DENND1A: variants seen among roughly 807,000 people sequenced by gnomAD.
The protein encoded by DENND1A is DENN domain-containing protein 1A.
A neutral mutation model predicts 113.7 loss-of-function variants in DENND1A; 51 were observed. The observed-to-expected ratio is 0.45, with a 90% CI of 0.36 to 0.57. DENND1A has a LOEUF of 0.57. DENND1A is among the 20% of genes least tolerant of loss of function. DENND1A has a pLI of 0.00. For missense variants in DENND1A, 1,258 were observed against 1,395.9 expected, an observed-to-expected ratio of 0.90 and a Z score of 1.57; for synonymous variants, 565 against 570.8, an observed-to-expected ratio of 0.99 and a Z score of 0.14.
intron 13 of DENND1A, among the ~76,000 whole-genome samples, chr9:123,498,065 T>G (rs2052107066): frequency 6.6e-6 from 1 of 152,144 alleles, no homozygotes; most frequent in Non-Finnish European, 1.5e-5. Flanking sequence ...ACACTTGTAA[T>G]AGAAGAATTT....
intron 9 of DENND1A, among the ~76,000 whole-genome samples, chr9:123,649,297 A>G (rs1297632992): frequency 6.6e-6 from 1 of 152,176 alleles, no homozygotes; most frequent in Admixed American, 6.5e-5. Context: ...TCAATATGTA[A>G]GTTATATTAA....
chr9:123,690,396 T>A (rs939499011), intron 5 of DENND1A, among the ~76,000 whole-genome samples: 15 of 152,166 alleles, frequency 9.9e-5, no homozygotes, highest in Non-Finnish European at 1.5e-4. Flanking sequence ...TATTCATAAT[T>A]GAAAATACTT....
chr9:123,794,283 A>G (rs1564283835), intron 2 of DENND1A, among the ~76,000 whole-genome samples: 1 of 152,208 alleles, frequency 6.6e-6, no homozygotes, highest in Admixed American at 6.5e-5. Context: ...GGGGGTGAAC[A>G]ACGGGGAACA....
intron 9 of DENND1A, among the ~76,000 whole-genome samples, chr9:123,638,656 T>G (rs1269196156): frequency 6.6e-6 from 1 of 151,912 alleles, no homozygotes; most frequent in Non-Finnish European, 1.5e-5. Context: ...GAGACGGAGT[T>G]TCACCATGTT....
At chr9:123,501,993 A>ATC (rs1338412757) in intron 13 of DENND1A, among the ~76,000 whole-genome samples, 6 of 152,058 alleles carry the variant, frequency 3.9e-5, no homozygotes, top group African/African-American at 9.7e-5. Flanking sequence ...ATATATATAT[A>ATC]TCTCTCCTAT....
chr9:123,487,603 C>G (rs552288820), intron 13 of DENND1A, among the ~76,000 whole-genome samples: 6 of 152,202 alleles, frequency 3.9e-5, no homozygotes, highest in African/African-American at 1.4e-4. Flanking sequence ...TTATAAAGAC[C>G]CCTGTTTCTC....
chr9:123,627,760 AG>A, intron 10 of DENND1A, among the ~76,000 whole-genome samples: 2 of 143,882 alleles, frequency 1.4e-5, no homozygotes, highest in African/African-American at 5.2e-5. Flanking sequence ...AAAAAAAAAG[AG>A]AGAGAGAGCG....
chr9:123,797,634 T>C (rs1389453308), intron 2 of DENND1A, among the ~76,000 whole-genome samples: 2 of 152,188 alleles, frequency 1.3e-5, no homozygotes, highest in Non-Finnish European at 2.9e-5. Context: ...TTATTTTACA[T>C]TGTAAAATAC....
intron 12 of DENND1A, among the ~76,000 whole-genome samples, chr9:123,573,192 T>G (rs1310434322): frequency 6.6e-6 from 1 of 152,178 alleles, no homozygotes; most frequent in Admixed American, 6.5e-5. Flanking sequence ...AACTTTATAG[T>G]GAGTCTTGCA....
At chr9:123,597,555 G>A (rs2059751965) in intron 11 of DENND1A, among the ~76,000 whole-genome samples, 1 of 152,172 alleles carries the variant, frequency 6.6e-6, no homozygotes, top group Non-Finnish European at 1.5e-5. Context: ...GGTCTGCAGA[G>A]TGAGAAGTGA....
chr9:123,886,177 T>C (rs1849052574), intron 1 of DENND1A, among the ~76,000 whole-genome samples: 1 of 151,806 alleles, frequency 6.6e-6, no homozygotes, highest in Non-Finnish European at 1.5e-5. Context: ...TTAATGGCGT[T>C]TTTTGTTTTG....
At chr9:123,466,806 G>C (rs568819217) in intron 13 of DENND1A, among the ~76,000 whole-genome samples, 1 of 151,982 alleles carries the variant, frequency 6.6e-6, no homozygotes, top group Non-Finnish European at 1.5e-5. Flanking sequence ...AGGCTGAGTG[G>C]GGAGGATCTC....
At chr9:123,594,057 A>G (rs775180158) in intron 11 of DENND1A, among the ~76,000 whole-genome samples, 7 of 152,218 alleles carry the variant, frequency 4.6e-5, no homozygotes, top group Non-Finnish European at 8.8e-5. Context: ...TGCTTCCTGT[A>G]CAGCCTGCAG....
intron 2 of DENND1A, among the ~76,000 whole-genome samples, chr9:123,835,740 C>T (rs747295078): frequency 6.6e-5 from 10 of 151,854 alleles, no homozygotes; most frequent in Non-Finnish European, 1.3e-4. Context: ...CCACACACTT[C>T]GTTCACTCCG....
chr9:123,627,757 A>AAAAAAAGAG (rs1366495919), intron 10 of DENND1A, among the ~76,000 whole-genome samples: 2 of 144,360 alleles, frequency 1.4e-5, no homozygotes, highest in South Asian at 2.1e-4. Flanking sequence ...AAAAAAAAAA[A>AAAAAAAGAG]AGAGAGAGAG....
At chr9:123,623,975 C>CA (rs2061079851) in intron 10 of DENND1A, among the ~76,000 whole-genome samples, 1 of 152,184 alleles carries the variant, frequency 6.6e-6, no homozygotes, top group Non-Finnish European at 1.5e-5. Context: ...CTCCTAGCAG[C>CA]ATGTACCTGA....
chr9:123,706,237 A>T (rs1252655250), intron 5 of DENND1A, among the ~76,000 whole-genome samples: 1 of 143,738 alleles, frequency 7.0e-6, no homozygotes, highest in Non-Finnish European at 1.5e-5. Flanking sequence ...TGCAACCTCC[A>T]CCTCCCTGGT....
chr9:123,536,750 C>G (rs924453699), intron 13 of DENND1A, among the ~76,000 whole-genome samples: 35 of 152,000 alleles, frequency 2.3e-4, no homozygotes, highest in Non-Finnish European at 2.8e-4. Flanking sequence ...TTGAGCAGGA[C>G]AGATACGAGA....
intron 2 of DENND1A, among the ~76,000 whole-genome samples, chr9:123,877,355 G>A (rs1156921142): frequency 6.6e-6 from 1 of 151,954 alleles, no homozygotes; most frequent in Non-Finnish European, 1.5e-5. Context: ...CGGACGTGGT[G>A]GTGGGCACCT....
Sources: gnomAD v4.1 joint callset for allele counts (sites outside exome capture counted in the v4.1 genomes callset) on GRCh38, gnomAD v4.1.1 for gene constraint, MANE v1.5 for transcripts, NCBI Gene and HGNC (gene_info 2026-07-23, HGNC 2026-07-21) for gene names.